Variants in CELF2 observed in about 807,000 individuals in gnomAD.
The protein encoded by CELF2 is CUGBP Elav-like family member 2.
A neutral mutation model predicts 62.6 loss-of-function variants in CELF2; 8 were observed. That is an observed-to-expected ratio of 0.13 (90% CI 0.07 to 0.23). The LOEUF (loss-of-function observed/expected upper bound fraction) is 0.23, where lower values mean the gene tolerates loss of function less well. Ranked by LOEUF, CELF2 falls within the 10% of genes least tolerant of loss-of-function variation. CELF2 has a pLI of 1.00. For missense variants in CELF2, 333 were observed against 671.0 expected (o/e 0.50, Z 5.56); for synonymous variants, 258 against 250.0 (o/e 1.03, Z -0.30).
the CELF2 span, among the ~76,000 whole-genome samples, chr10:10,483,024 T>TC: frequency 6.6e-6 from 1 of 152,084 alleles, no homozygotes; most frequent in African/African-American, 2.4e-5. Flanking sequence ...TTCTTCTGCC[T>TC]CCTTAAAGAG....
chr10:10,475,697 G>A, the CELF2 span, among the ~76,000 whole-genome samples: 22 of 152,100 alleles, frequency 1.4e-4, no homozygotes, highest in African/African-American at 4.6e-4. Flanking sequence ...GGTAATTTGA[G>A]GCTAAGAAGT....
At chr10:10,977,101 G>A (rs148007888) in intron 2 of CELF2, among the ~76,000 whole-genome samples, 46 of 131,466 alleles carry the variant, frequency 3.5e-4, no homozygotes, top group East Asian at 1.9e-4. Context: ...AGCTTCCCAC[G>A]GGCAAACACC....
At chr10:10,974,416 A>G (rs1467612831) in intron 2 of CELF2, among the ~76,000 whole-genome samples, 1 of 152,214 alleles carries the variant, frequency 6.6e-6, no homozygotes, top group African/African-American at 2.4e-5. Flanking sequence ...GAAATTCAAT[A>G]CTTAGATAAA....
chr10:11,248,378 C>G (rs1283358568), intron 3 of CELF2, among the ~76,000 whole-genome samples: 2 of 152,134 alleles, frequency 1.3e-5, no homozygotes, highest in South Asian at 2.1e-4. Context: ...CCTTTCTACT[C>G]CTGTCATGTA....
At chr10:10,956,258 G>T (rs1213803656) in intron 2 of CELF2, among the ~76,000 whole-genome samples, 1 of 152,192 alleles carries the variant, frequency 6.6e-6, no homozygotes, top group African/African-American at 2.4e-5. Context: ...AAGAATGGAA[G>T]CTTATGGTAT....
the CELF2 span, among the ~76,000 whole-genome samples, chr10:10,506,056 A>G: frequency 1.3e-5 from 2 of 151,090 alleles, no homozygotes; most frequent in African/African-American, 4.9e-5. Context: ...CCATTTGCCC[A>G]GAAGCAGAAG....
At chr10:10,894,585 G>A (rs2062402745) in intron 1 of CELF2, among the ~76,000 whole-genome samples, 1 of 152,132 alleles carries the variant, frequency 6.6e-6, no homozygotes, top group African/African-American at 2.4e-5. Flanking sequence ...CGGAATTTTA[G>A]GCAGTTGATC....
upstream of CELF2, among the ~76,000 whole-genome samples, chr10:11,002,424 G>A (rs1192714325): frequency 6.6e-6 from 1 of 152,158 alleles, no homozygotes; most frequent in Admixed American, 6.5e-5. This position sits in a 1 kb window ranked among gnomAD's most constrained non-coding sequence, Gnocchi z 4.4. Context: ...TTAGGGAAGT[G>A]TAAGATTCAT....
chr10:10,736,326 G>A, the CELF2 span, among the ~76,000 whole-genome samples: 1 of 149,958 alleles, frequency 6.7e-6, no homozygotes, highest in African/African-American at 2.5e-5. Context: ...GGCTTGTGGG[G>A]TTTGTTTGTT....
the CELF2 span, among the ~76,000 whole-genome samples, chr10:10,736,396 C>CTTTCTTTCTTTCTTTCT: frequency 0.028 from 2,127 of 75,710 alleles, 43 homozygotes; most frequent in African/African-American, 0.053. Flanking sequence ...TTCTTTCTTT[C>CTTTCTTTCTTTCTTTCT]TTTTTTTTTT....
At chr10:11,131,869 C>T (rs1417877673) in intron 1 of CELF2, among the ~76,000 whole-genome samples, 10 of 152,180 alleles carry the variant, frequency 6.6e-5, no homozygotes, top group African/African-American at 9.7e-5. Context: ...AAAGCCAGAA[C>T]TCCTGCATTA....
At chr10:11,061,656 A>G (rs2066758269) in intron 1 of CELF2, among the ~76,000 whole-genome samples, 1 of 152,220 alleles carries the variant, frequency 6.6e-6, no homozygotes, top group Non-Finnish European at 1.5e-5. Flanking sequence ...GGCTAATACA[A>G]CTGGTGACTT....
intron 10 of CELF2, chr10:11,320,929 G>T: frequency 6.5e-7 from 1 of 1,547,962 alleles, no homozygotes. Context: ...GCATGGCATT[G>T]AGCTGTCTCG....
chr10:10,717,528 C>G, the CELF2 span, among the ~76,000 whole-genome samples: 3 of 152,076 alleles, frequency 2.0e-5, no homozygotes, highest in African/African-American at 4.8e-5. Context: ...ATTTAGTTCT[C>G]TCTTCTCACG....
intron 1 of CELF2, among the ~76,000 whole-genome samples, chr10:11,094,825 A>G (rs1280654171): frequency 6.6e-6 from 1 of 152,176 alleles, no homozygotes; most frequent in South Asian, 2.1e-4. Context: ...GCTTGGTGTA[A>G]TCCCCTCAGT....
At chr10:10,608,662 A>T in the CELF2 span, among the ~76,000 whole-genome samples, 1 of 152,168 alleles carries the variant, frequency 6.6e-6, no homozygotes, top group Non-Finnish European at 1.5e-5. Flanking sequence ...ACAGCATTCC[A>T]CTTGTGTCCT....
At chr10:10,535,397 G>A in the CELF2 span, among the ~76,000 whole-genome samples, 2 of 152,206 alleles carry the variant, frequency 1.3e-5, no homozygotes, top group Non-Finnish European at 2.9e-5. Flanking sequence ...CCACTTGGGT[G>A]AGCAGGAACC....
At chr10:10,841,855 T>C (rs10752207) in intron 1 of CELF2, among the ~76,000 whole-genome samples, 71,325 of 151,834 alleles carry the variant, frequency 0.47, 17,257 homozygotes, top group African/African-American at 0.58. Flanking sequence ...TTACTGAAAT[T>C]GCATTGAATC....
the CELF2 span, among the ~76,000 whole-genome samples, chr10:10,692,018 TC>T: frequency 6.6e-6 from 1 of 151,632 alleles, no homozygotes; most frequent in Non-Finnish European, 1.5e-5. Context: ...TTTAATGAGA[TC>T]CCATTTGTCA....
Sources: gnomAD v4.1 joint callset for allele counts (sites outside exome capture counted in the v4.1 genomes callset) on GRCh38, gnomAD v4.1.1 for gene constraint, Gnocchi (gnomAD v3.1) non-coding constraint, MANE v1.5 for transcripts, NCBI Gene and HGNC (gene_info 2026-07-23, HGNC 2026-07-21) for gene names.